Variants in LRCH1 observed in about 807,000 individuals in gnomAD.
LRCH1 encodes leucine-rich repeat and calponin homology domain-containing protein 1.
A neutral mutation model predicts 94.9 loss-of-function variants in LRCH1; 23 were observed. That is an observed-to-expected ratio of 0.24 (90% confidence interval 0.17 to 0.34). The LOEUF (loss-of-function observed/expected upper bound fraction) is 0.34. Among genes scored for constraint, LRCH1 ranks in the 10% least tolerant of loss-of-function variants. LRCH1 has a pLI of 1.00. For missense variants in LRCH1, 790 were observed against 945.9 expected (o/e 0.84, Z 2.16); for synonymous variants, 364 against 354.9 (o/e 1.03, Z -0.29).
intron 1 of LRCH1, among the ~76,000 whole-genome samples, chr13:46,595,703 T>A (rs2050553722): frequency 6.6e-6 from 1 of 152,196 alleles, no homozygotes; most frequent in South Asian, 2.1e-4. Context: ...TATGTCATAA[T>A]TCTACATTTC....
At chr13:46,612,572 C>T (rs2050759362) in intron 1 of LRCH1, among the ~76,000 whole-genome samples, 1 of 152,154 alleles carries the variant, frequency 6.6e-6, no homozygotes, top group Non-Finnish European at 1.5e-5. Context: ...TTTTGAAGCA[C>T]CCCTCTTGGA....
Position 46,660,034 on chromosome 13 carries a change from C to CTTTTTTTTTTTTTTTTTTT in LRCH1, c.453-8981_453-8980insTTTTTTTTTTTTTTTTTTT, listed in dbSNP as rs767544799. 1.9e-5 allele frequency among the ~76,000 whole-genome samples: 2 copies of CTTTTTTTTTTTTTTTTTTT among 103,664 alleles called. 1 individual carries two copies. The highest frequency in any genetic ancestry group is 3.7e-5 in the Non-Finnish European group (2 of 53,896). 68.0% of individuals were successfully genotyped at this position (103,664 alleles called of 152,430 possible). A position where few individuals can be genotyped will look rare whatever the true frequency, so the allele number is the denominator to read the frequency against. On this transcript the variant is annotated intron_variant, in intron 2 of 19. Coordinates refer to ENST00000389797, the MANE Select transcript of LRCH1 (RefSeq NM_001164211.2). ...CACTTTCTGTATTCCTTAGGAGTCA[C>CTTTTTTTTTTTTTTTTTTT]TTTTTTTTTTTTTTTGAGACAGGCT...
chr13:46,586,261 G>A (rs1019798257), intron 1 of LRCH1, among the ~76,000 whole-genome samples: 2 of 152,160 alleles, frequency 1.3e-5, no homozygotes, highest in African/African-American at 4.8e-5. Flanking sequence ...CAGAGGTGGC[G>A]CATTTTACTG....
Position 46,699,368 on chromosome 13 carries a change from G to T in LRCH1, c.1278G>T (p.Arg426=), listed in dbSNP as rs1489674854. Residue 426 remains arginine, a synonymous_variant, in exon 10 of 20, where the codon CGG becomes CGT. Transcript: ENST00000389797. Reference sequence around the variant, plus strand: ...CAGAAGACTGTGAAGAGCTGTTACGGATAGAAGAGGATGTGCACTGGCAAA... The same window carrying T: ...CAGAAGACTGTGAAGAGCTGTTACGTATAGAAGAGGATGTGCACTGGCAAA... ...ARAEDCEELL[R]IEEDVHWQTE... is the part of the protein sequence containing the mutation. 14 of 1,614,130 alleles carry T rather than the reference G, an allele frequency of 8.7e-6. No individual in the cohort carries two copies. Among genetic ancestry groups the T allele is most frequent in the Non-Finnish European group, 1.2e-5 (14 of 1,179,974 alleles).
intron 2 of LRCH1, among the ~76,000 whole-genome samples, chr13:46,658,434 A>G (rs144215449): frequency 2.2e-4 from 33 of 152,126 alleles, no homozygotes; most frequent in Non-Finnish European, 2.2e-4. Flanking sequence ...AGGCTTTTCT[A>G]CTTTCCATTA....
At chr13:46,652,120 A>T (rs553754843) in intron 2 of LRCH1, among the ~76,000 whole-genome samples, 8 of 136,370 alleles carry the variant, frequency 5.9e-5, no homozygotes, top group Non-Finnish European at 9.2e-5. Flanking sequence ...TCTGTCGCCC[A>T]GGCTGGAGTG....
intron 1 of LRCH1, among the ~76,000 whole-genome samples, chr13:46,612,265 CAG>C (rs1393548744): frequency 6.6e-6 from 1 of 152,026 alleles, no homozygotes; most frequent in East Asian, 1.9e-4. Flanking sequence ...TGAAATAAAA[CAG>C]AGCAAGCAAT....
At chr13:46,693,864 T>C (rs1036981756) in intron 8 of LRCH1, among the ~76,000 whole-genome samples, 84 of 152,318 alleles carry the variant, frequency 5.5e-4, no homozygotes, top group African/African-American at 2.0e-3. Flanking sequence ...AGTGCAGAAC[T>C]GGATTAATAT....
At chr13:46,729,877 G>A (rs1873014233) in intron 18 of LRCH1, among the ~76,000 whole-genome samples, 1 of 152,172 alleles carries the variant, frequency 6.6e-6, no homozygotes, top group East Asian at 1.9e-4. Context: ...GGACTCATTG[G>A]TGATGCTGGG....
rs1219331027 is a variant in LRCH1 at position 46,615,609 on chromosome 13, TC to T, written c.308-34590del. Among the ~76,000 whole-genome samples, 6 of 152,308 alleles carry T rather than the reference TC, an allele frequency of 3.9e-5. No individual in the cohort carries two copies. In the East Asian group the frequency reaches 9.6e-4, roughly 24 times the overall value. ...AACCCAGCTTCGAGCTCCCTTCCAT[TC>T]CTTCATCAAGATATTCATGATGGAT... is the stretch of plus-strand genomic sequence containing the variant. On this transcript the variant is annotated intron_variant, in intron 1 of 19. Transcript: ENST00000389797.
intron 19 of LRCH1, among the ~76,000 whole-genome samples, chr13:46,734,383 A>G (rs1426418357): frequency 1.3e-5 from 2 of 152,238 alleles, no homozygotes; most frequent in East Asian, 3.8e-4. Context: ...GCTCTGAAGA[A>G]AAGACCTGCT....
intron 9 of LRCH1, among the ~76,000 whole-genome samples, chr13:46,698,054 A>G (rs1871285113): frequency 6.6e-6 from 1 of 152,198 alleles, no homozygotes. Context: ...GAGTGTGGAG[A>G]GTGGCACAGT....
At chr13:46,598,973 A>G (rs1056523707) in intron 1 of LRCH1, among the ~76,000 whole-genome samples, 2 of 152,192 alleles carry the variant, frequency 1.3e-5, no homozygotes, top group African/African-American at 2.4e-5. Flanking sequence ...ACTCTGTACC[A>G]TTAAATGACT....
chr13:46,580,831 G>A (rs1535793), intron 1 of LRCH1, among the ~76,000 whole-genome samples: 118,131 of 152,164 alleles, frequency 0.78, 46,090 homozygotes, highest in East Asian at 0.91. Context: ...CCAAAGGACA[G>A]TTGGTACAAA....
chr13:46,622,638 T>C (rs1221309390), intron 1 of LRCH1, among the ~76,000 whole-genome samples: 1 of 152,142 alleles, frequency 6.6e-6, no homozygotes, highest in African/African-American at 2.4e-5. Flanking sequence ...TTTAAATAAA[T>C]TCAAGGGGAA....
chr13:46,620,680 G>A (rs771288281), intron 1 of LRCH1, among the ~76,000 whole-genome samples: 1 of 152,114 alleles, frequency 6.6e-6, no homozygotes, highest in Non-Finnish European at 1.5e-5. Flanking sequence ...AAGTCCATGG[G>A]GACTTGCTAT....
intron 19 of LRCH1, among the ~76,000 whole-genome samples, chr13:46,737,328 A>G (rs945976654): frequency 6.6e-6 from 1 of 152,188 alleles, no homozygotes; most frequent in Non-Finnish European, 1.5e-5. Context: ...TCGAACTCCT[A>G]GGCTCAAGAC....
intron 17 of LRCH1, among the ~76,000 whole-genome samples, chr13:46,725,452 CTG>C (rs1293955113): frequency 5.3e-5 from 8 of 152,164 alleles, no homozygotes; most frequent in Non-Finnish European, 1.0e-4. Context: ...CTCTACCAGG[CTG>C]TATTCTAGGT....
chr13:46,706,503 C>T (rs1871768061), intron 13 of LRCH1, among the ~76,000 whole-genome samples: 1 of 152,176 alleles, frequency 6.6e-6, no homozygotes, highest in Non-Finnish European at 1.5e-5. Flanking sequence ...GGACCAATTT[C>T]ATCAAGCTCT....
Sources: gnomAD v4.1 joint callset for allele counts (sites outside exome capture counted in the v4.1 genomes callset) on GRCh38, gnomAD v4.1.1 for gene constraint, MANE v1.5 for transcripts, NCBI Gene and HGNC (gene_info 2026-07-23, HGNC 2026-07-21) for gene names.